CDCA7L: variants seen among roughly 807,000 people sequenced by gnomAD.
The protein encoded by CDCA7L is cell division cycle associated 7 like.
In CDCA7L, 44 loss-of-function variants were observed where a neutral mutation model predicts 57.4. The observed-to-expected ratio is 0.77, with a 90% CI of 0.60 to 0.98. CDCA7L has a LOEUF of 0.98. Ranked by LOEUF, CDCA7L falls within the 50% of genes least tolerant of loss-of-function variation. CDCA7L has a pLI of 0.00. For synonymous variants in CDCA7L, 236 were observed against 202.8 expected, an observed-to-expected ratio of 1.16 and a Z score of -1.39; for missense variants, 644 against 580.6, an observed-to-expected ratio of 1.11 and a Z score of -1.12.
chr7:21,927,479 T>C (rs1785864626), intron 1 of CDCA7L, among the ~76,000 whole-genome samples: 1 of 150,844 alleles, frequency 6.6e-6, no homozygotes, highest in Non-Finnish European at 1.5e-5. Context: ...GAGAAAAAAA[T>C]TAGAGGAGAA....
rs59779970 is a variant in CDCA7L at position 21,903,877 on chromosome 7, G to A, written c.1197+233C>T. 1,628 of 399,804 alleles carry A rather than the reference G, an allele frequency of 4.1e-3. 27 individuals are homozygous for A. The highest frequency in any genetic ancestry group is 0.03 in the African/African-American group (1,467 of 48,934). The allele number at this position is 399,804 out of a possible 1,614,324, so 24.8% of individuals were successfully genotyped here. On this transcript the variant is annotated intron_variant, in intron 8 of 9. Transcript: ENST00000406877. ...AACTAGAGGACTGTAAGCAAGTTTT[G>A]CTCTGACAATGGAAAATCTAACAAC...
chr7:21,923,000 A>T (rs1419787918), intron 1 of CDCA7L, among the ~76,000 whole-genome samples: 1 of 152,198 alleles, frequency 6.6e-6, no homozygotes, highest in Non-Finnish European at 1.5e-5. Flanking sequence ...GGCACTTGCC[A>T]GATGCTGAGG....
chr7:21,901,347 T>C lies in CDCA7L; in HGVS notation c.*975A>G, dbSNP rs1255783941. On this transcript the variant is annotated 3_prime_UTR_variant, in exon 10 of 10. Transcript: ENST00000406877. The stretch of plus-strand genomic sequence containing the variant: ...GTTCCCATGCACATTATTCTAACTT[T>C]TTAGTAACTCACACGTGCATTCTTT... 3 of 1,385,104 alleles carry C rather than the reference T, an allele frequency of 2.2e-6. No individual in the cohort carries two copies. The highest frequency in any genetic ancestry group is 2.5e-5 in the East Asian group (1 of 40,374). 85.8% of individuals were successfully genotyped at this position (1,385,104 alleles called of 1,614,324 possible).
intron 1 of CDCA7L, among the ~76,000 whole-genome samples, chr7:21,930,465 G>A (rs1785970755): frequency 6.6e-6 from 1 of 152,032 alleles, no homozygotes; most frequent in African/African-American, 2.4e-5. Context: ...GGGAGGCCGA[G>A]GTGGGCAGAT....
In CDCA7L at chr7:21,906,481, A is replaced by ACAACTGGGGACTCT. The variant is rs779113194; in HGVS notation, c.754-39_754-26dup. The ACAACTGGGGACTCT allele has an allele frequency of 7.0e-5, 113 of 1,609,928 alleles. 2 individuals are homozygous for ACAACTGGGGACTCT. The Admixed American group carries it at 1.9e-3, about 27-fold the overall frequency. ...TCTGAAATCAAGAGCACAGACAGAG[A>ACAACTGGGGACTCT]CAACTGGGGACTCTCTCGAATAAAA... is the stretch of plus-strand genomic sequence containing the variant. On this transcript the variant is annotated intron_variant, in intron 5 of 9. Coordinates refer to ENST00000406877, the MANE Select transcript of CDCA7L (RefSeq NM_018719.5).
At chr7:21,903,489 G>C (rs575943416) in intron 8 of CDCA7L, among the ~76,000 whole-genome samples, 1 of 152,190 alleles carries the variant, frequency 6.6e-6, no homozygotes, top group South Asian at 2.1e-4. Context: ...TGTGCTTATT[G>C]TTGAATGACT....
chr7:21,926,491 G>A (rs1165444774), intron 1 of CDCA7L, among the ~76,000 whole-genome samples: 1 of 152,150 alleles, frequency 6.6e-6, no homozygotes, highest in African/African-American at 2.4e-5. Context: ...AATTTGAACA[G>A]ACCTTTCTCC....
At chr7:21,902,579 T>TTAATTACA (rs1784957554) in intron 9 of CDCA7L, 1 of 581,406 alleles carries the variant, frequency 1.7e-6, no homozygotes, top group South Asian at 2.1e-5. Flanking sequence ...TCAGAGTTTA[T>TTAATTACA]TAATTACATA....
rs1785113865 is a variant in CDCA7L, at chr7:21,905,588, AAAG to A, written c.962_964del (p.Ser321del). The A allele has an allele frequency of 6.2e-7, 1 of 1,614,010 alleles. No individual in the cohort carries two copies. Among genetic ancestry groups the A allele is most frequent in the Admixed American group, 1.7e-5 (1 of 59,996 alleles). ...TTCGGTGATATCCTCCACTGGCCGA[AAAG>A]AAGATATACGGTGACGTCGTCTGTA... On this transcript the variant is annotated inframe_deletion, in exon 7 of 10. Transcript: ENST00000406877.
intron 1 of CDCA7L, among the ~76,000 whole-genome samples, chr7:21,935,956 C>T (rs184972217): frequency 2.6e-5 from 4 of 151,992 alleles, no homozygotes; most frequent in East Asian, 1.9e-4. Flanking sequence ...TGCAGTGAGC[C>T]GCTACTGTGC....
At chr7:21,925,533 G>T (rs1482506611) in intron 1 of CDCA7L, among the ~76,000 whole-genome samples, 1 of 152,166 alleles carries the variant, frequency 6.6e-6, no homozygotes, top group Non-Finnish European at 1.5e-5. Flanking sequence ...CCAGGAAAAT[G>T]TAGCTAAACT....
chr7:21,913,860 G>A (rs1372998979), intron 2 of CDCA7L, among the ~76,000 whole-genome samples: 1 of 152,208 alleles, frequency 6.6e-6, no homozygotes, highest in African/African-American at 2.4e-5. Flanking sequence ...ACTGAGGCCT[G>A]TGCTTTAGTT....
At chr7:21,930,537 AC>A (rs1201505418) in intron 1 of CDCA7L, among the ~76,000 whole-genome samples, 4 of 151,956 alleles carry the variant, frequency 2.6e-5, no homozygotes, top group Non-Finnish European at 5.9e-5. Flanking sequence ...TGTACTAAAA[AC>A]ACAAAAAAAT....
At chr7:21,934,881 C>T (rs112617392) in intron 1 of CDCA7L, among the ~76,000 whole-genome samples, 3 of 152,252 alleles carry the variant, frequency 2.0e-5, no homozygotes, top group African/African-American at 7.2e-5. Context: ...TAAATATATA[C>T]ACACACCAAA....
chr7:21,922,868 A>G (rs1158261004), intron 1 of CDCA7L, among the ~76,000 whole-genome samples: 5 of 152,302 alleles, frequency 3.3e-5, no homozygotes, highest in Non-Finnish European at 4.4e-5. Context: ...ATGCCACAAC[A>G]TGGATGAACT....
intron 2 of CDCA7L, 143 bp downstream of exon 2, chr7:21,916,611 G>C (rs1785489576): frequency 5.7e-6 from 4 of 702,444 alleles, no homozygotes; most frequent in Non-Finnish European, 9.2e-6. Context: ...AAAACAGGAA[G>C]ACACAGACAT....
At chr7:21,906,524 C>G (rs1234740292) in intron 5 of CDCA7L, 44 bp downstream of exon 5, 1 of 1,612,184 alleles carries the variant, frequency 6.2e-7, no homozygotes, top group Non-Finnish European at 8.5e-7. Context: ...GGTGGCTGAT[C>G]ACCATATATC....
chr7:21,912,929 T>C (rs958071922), intron 2 of CDCA7L, among the ~76,000 whole-genome samples: 16 of 151,968 alleles, frequency 1.1e-4, no homozygotes, highest in African/African-American at 3.9e-4. Context: ...AAAGAGGAAA[T>C]AACAAACTGC....
At chr7:21,912,079 T>C (rs531444685) in intron 2 of CDCA7L, among the ~76,000 whole-genome samples, 4 of 151,548 alleles carry the variant, frequency 2.6e-5, no homozygotes, top group African/African-American at 4.8e-5. Context: ...CTGAGCAACA[T>C]AGTGAGACCT....
Sources: allele counts gnomAD v4.1 joint callset (sites outside exome capture counted in the v4.1 genomes callset), GRCh38; gene constraint gnomAD v4.1.1; transcripts MANE v1.5; gene names NCBI Gene and HGNC (gene_info 2026-07-23, HGNC 2026-07-21).